Variants in LOXHD1 observed in about 807,000 individuals in gnomAD.
LOXHD1 encodes lipoxygenase homology domain-containing protein 1.
LOXHD1 carries 205 observed loss-of-function variants against 248.2 expected under a neutral mutation model. The ratio of observed to expected loss-of-function variants is 0.83; its 90% confidence interval spans 0.74 to 0.93. LOXHD1 has a LOEUF of 0.93. Among genes scored for constraint, LOXHD1 ranks in the 40% least tolerant of loss-of-function variants. The probability of loss-of-function intolerance (pLI) is 0.00; values close to 1 mark genes in which losing one functional copy is unlikely to be tolerated. For missense variants in LOXHD1, 2,930 were observed against 2,971.6 expected (o/e 0.99, Z 0.33); for synonymous variants, 1,113 against 1,162.8 (o/e 0.96, Z 0.87).
chr18:46,486,957 G>C, intron 38 of LOXHD1, among the ~76,000 whole-genome samples: 1 of 152,158 alleles, frequency 6.6e-6, no homozygotes, highest in East Asian at 1.9e-4. Flanking sequence ...CACACGAAGC[G>C]GCTTGATAAA....
intron 17 of LOXHD1, among the ~76,000 whole-genome samples, chr18:46,563,901 CAG>C (rs2037581784): frequency 6.6e-6 from 1 of 152,064 alleles, no homozygotes; most frequent in African/African-American, 2.4e-5. Context: ...CACAGTAATG[CAG>C]AGAGCAGTGA....
At chr18:46,479,859 C>T (rs1230828228) in intron 40 of LOXHD1, among the ~76,000 whole-genome samples, 1 of 151,668 alleles carries the variant, frequency 6.6e-6, no homozygotes, top group African/African-American at 2.4e-5. Context: ...GCTCCCACAA[C>T]AACCCTGGGC....
At chr18:46,488,771 CT>C (rs1962913890) in intron 38 of LOXHD1, among the ~76,000 whole-genome samples, 200 bp downstream of exon 38, 1 of 152,170 alleles carries the variant, frequency 6.6e-6, no homozygotes, top group South Asian at 2.1e-4. Context: ...TAATTAGTCC[CT>C]GTGATTCTGA....
chr18:46,544,001 G>A (rs775934928), intron 23 of LOXHD1, among the ~76,000 whole-genome samples: 7 of 152,198 alleles, frequency 4.6e-5, no homozygotes, highest in Admixed American at 6.5e-5. Flanking sequence ...GAGACTGCCT[G>A]TAGTGTCAGT....
chr18:46,657,131 G>T lies in LOXHD1; in HGVS notation c.-98C>A. 1 of 1,538,494 alleles carries T rather than the reference G, an allele frequency of 6.5e-7. No individual in the cohort carries two copies. Among genetic ancestry groups the T allele is most frequent in the Admixed American group, 2.0e-5 (1 of 50,702 alleles). On this transcript the variant is annotated 5_prime_UTR_variant, in exon 1 of 41. Coordinates refer to ENST00000642948, the MANE Select transcript of LOXHD1 (RefSeq NM_001384474.1). ...CTCCTCCCTGAGCTCTGGCGCCCAC[G>T]GCCCTCCTATAGCTCAGGCCTGGGT...
At chr18:46,638,792 ATAAAGGG>A (rs930853661) in intron 4 of LOXHD1, among the ~76,000 whole-genome samples, 7 of 152,218 alleles carry the variant, frequency 4.6e-5, no homozygotes, top group Admixed American at 1.3e-4. Flanking sequence ...AAGACAATGG[ATAAAGGG>A]TGGAGCTTGG....
intron 20 of LOXHD1, chr18:46,558,996 T>A: frequency 1.9e-6 from 1 of 529,182 alleles, no homozygotes; most frequent in Admixed American, 2.4e-5. Context: ...CATTTCCACC[T>A]CCATATCTTT....
chr18:46,492,589 G>C (rs143561074), intron 37 of LOXHD1, among the ~76,000 whole-genome samples: 40 of 152,310 alleles, frequency 2.6e-4, no homozygotes, highest in Non-Finnish European at 5.0e-4. Flanking sequence ...ACGATTTAAG[G>C]TGAGATTTGG....
Position 46,560,374 on chromosome 18 carries a change from G to T in LOXHD1, c.2770C>A (p.Arg924=), listed in dbSNP as rs886053832. 1.9e-6 allele frequency: 3 copies of T among 1,552,368 alleles called. No individual in the cohort carries two copies. Among genetic ancestry groups the T allele is most frequent in the Admixed American group, 2.0e-5 (1 of 51,044 alleles). ...AGCCGCTCCTTCTTGAGCAGCTGCC[G>T]CAGCTTGTCCTTCTCCTTCTTCTTC... ...ARKKKEKDKL[R]QLLKKERLKA... is the part of the protein sequence containing the mutation. Residue 924 remains arginine (R), a synonymous_variant, in exon 19 of 41, where the codon CGG becomes AGG. Coordinates refer to ENST00000642948, the MANE Select transcript of LOXHD1 (RefSeq NM_001384474.1).
At chr18:46,507,848 C>T (rs2034681935) in intron 35 of LOXHD1, 136 bp from the exon 36 acceptor site, 1 of 903,712 alleles carries the variant, frequency 1.1e-6, no homozygotes, top group Non-Finnish European at 1.6e-6. Context: ...GACTGAGACC[C>T]ACGGGGTGTG....
At chr18:46,523,822 A>C (rs1568135188) in intron 31 of LOXHD1, among the ~76,000 whole-genome samples, 2 of 151,984 alleles carry the variant, frequency 1.3e-5, no homozygotes, top group African/African-American at 2.4e-5. Context: ...GGTAAACTGC[A>C]AGCAGACTGA....
intron 7 of LOXHD1, among the ~76,000 whole-genome samples, chr18:46,602,925 T>C (rs1245296254): frequency 2.0e-5 from 3 of 152,184 alleles, no homozygotes; most frequent in African/African-American, 7.2e-5. Flanking sequence ...CTAGGAGACA[T>C]ATAATATTCA....
intron 29 of LOXHD1, 28 bp from the exon 30 acceptor site, chr18:46,524,945 A>G (rs768744734): frequency 1.2e-5 from 19 of 1,549,854 alleles, no homozygotes; most frequent in Non-Finnish European, 1.5e-5. Flanking sequence ...GGGGACTCAT[A>G]TGGGGGTGTG....
At chr18:46,513,666 A>T (rs1162306053) in intron 34 of LOXHD1, among the ~76,000 whole-genome samples, 1 of 152,224 alleles carries the variant, frequency 6.6e-6, no homozygotes, top group Non-Finnish European at 1.5e-5. Context: ...TGCAGGGCAC[A>T]TGGTGGTGCT....
At chr18:46,484,581 A>C (rs78550591) in intron 39 of LOXHD1, among the ~76,000 whole-genome samples, 16,558 of 152,190 alleles carry the variant, frequency 0.11, 991 homozygotes, top group Non-Finnish European at 0.12. Context: ...TTTCTAAGCT[A>C]CCAGTCTGAG....
chr18:46,480,845 T>C (rs113400213), intron 40 of LOXHD1, among the ~76,000 whole-genome samples: 7,240 of 152,332 alleles, frequency 0.048, 260 homozygotes, highest in Non-Finnish European at 0.071. Flanking sequence ...TACTTTCTTT[T>C]ACATACGTTT....
intron 12 of LOXHD1, among the ~76,000 whole-genome samples, chr18:46,580,394 G>A (rs1399851): frequency 6.6e-6 from 1 of 152,244 alleles, no homozygotes; most frequent in South Asian, 2.1e-4. Flanking sequence ...CCAGTAAGCA[G>A]AGAGAAAGGC....
chr18:46,628,769 T>C lies in LOXHD1; in HGVS notation c.512-10479A>G, dbSNP rs971355491. ...ACGCTATTGTGTCATTTACTGAGCA[T>C]TGACTCTGTGCCTCGGCACTAAGTC... On this transcript the variant is annotated intron_variant, in intron 4 of 40. Coordinates refer to ENST00000642948, the MANE Select transcript of LOXHD1 (RefSeq NM_001384474.1). 9.2e-5 allele frequency among the ~76,000 whole-genome samples: 14 copies of C among 152,238 alleles called. No homozygotes were observed. In the South Asian group the frequency reaches 1.2e-3, roughly 13 times the overall value.
Position 46,566,413 on chromosome 18 carries a change from T to TGCCAGTGCTGTCATGCCC in LOXHD1, c.2263_2280dup (p.Gly755_Gly760dup), listed in dbSNP as rs751580835. 5.2e-6 allele frequency: 8 copies of TGCCAGTGCTGTCATGCCC among 1,551,118 alleles called. No homozygotes were observed. The African/African-American group carries it at 1.1e-4, about 21-fold the overall frequency. ...CTGCCCAGGAACCAGCTGGCATGCA[T>TGCCAGTGCTGTCATGCCC]GCCAGTGCTGTCATGCCCAATCACC... On this transcript the variant is annotated inframe_insertion, in exon 17 of 41. Transcript: ENST00000642948.
Sources: gnomAD v4.1 joint callset for allele counts (sites outside exome capture counted in the v4.1 genomes callset) on GRCh38, gnomAD v4.1.1 for gene constraint, MANE v1.5 for transcripts, NCBI Gene and HGNC (gene_info 2026-07-23, HGNC 2026-07-21) for gene names.